Variants in LRCH3 observed in about 807,000 individuals in gnomAD.
LRCH3 encodes DISP complex protein LRCH3.
LRCH3 carries 68 observed loss-of-function variants against 104.5 expected under a neutral mutation model. That is an observed-to-expected ratio of 0.65 (90% CI 0.54 to 0.80). The LOEUF (loss-of-function observed/expected upper bound fraction) is 0.80. Ranked by LOEUF, LRCH3 falls within the 30% of genes least tolerant of loss-of-function variation. The pLI is 0.00. For missense variants in LRCH3, 951 were observed against 953.9 expected (o/e 1.00, Z 0.04); for synonymous variants, 344 against 361.3 (o/e 0.95, Z 0.54).
Position 197,827,027 on chromosome 3 carries a change from GGAA to G in LRCH3, c.777+15_777+17del. 6.4e-7 allele frequency: 1 copy of G among 1,555,336 alleles called. No homozygotes were observed. Among genetic ancestry groups the G allele is most frequent in the Non-Finnish European group, 8.6e-7 (1 of 1,156,194 alleles). On this transcript the variant is annotated intron_variant, in intron 5 of 20. Transcript: ENST00000425562. ...ACCTCCTGCACAGGTAAACCATAGT[GGAA>G]GCATCAGGTAAACCATGGTGGAAGC...
At chr3:197,815,772 ACT>A (rs1442074312) in intron 2 of LRCH3, among the ~76,000 whole-genome samples, 1 of 152,156 alleles carries the variant, frequency 6.6e-6, no homozygotes, top group Non-Finnish European at 1.5e-5. Flanking sequence ...TCTTAAAATA[ACT>A]CTTGTTGTTT....
At chr3:197,798,697 AC>A (rs1233483854) in intron 1 of LRCH3, among the ~76,000 whole-genome samples, 1 of 152,240 alleles carries the variant, frequency 6.6e-6, no homozygotes, top group Non-Finnish European at 1.5e-5. Flanking sequence ...GGACTAGAGT[AC>A]CAGGTCTTAA....
At chr3:197,832,151 C>T in intron 7 of LRCH3, 46 bp from the exon 8 acceptor site, 1 of 1,576,644 alleles carries the variant, frequency 6.3e-7, no homozygotes, top group Non-Finnish European at 8.6e-7. Flanking sequence ...CATGATCTGC[C>T]AGGCTCTAAA....
intron 10 of LRCH3, among the ~76,000 whole-genome samples, chr3:197,846,600 G>A (rs752699906): frequency 7.3e-5 from 11 of 151,676 alleles, no homozygotes; most frequent in Non-Finnish European, 8.8e-5. Flanking sequence ...TGGAGCCCAG[G>A]AGGTCAAGAC....
At chr3:197,817,011 A>G (rs1733876132) in intron 2 of LRCH3, among the ~76,000 whole-genome samples, 165 bp from the exon 3 acceptor site, 1 of 152,152 alleles carries the variant, frequency 6.6e-6, no homozygotes, top group Non-Finnish European at 1.5e-5. Flanking sequence ...TGTGCCTGTA[A>G]CCATAAAGCT....
At chr3:197,868,030 A>C (rs1301430874) in intron 17 of LRCH3, among the ~76,000 whole-genome samples, 1 of 152,074 alleles carries the variant, frequency 6.6e-6, no homozygotes, top group Non-Finnish European at 1.5e-5. Context: ...TCTCAAAAAA[A>C]CAAAAAAAAC....
In LRCH3 at chr3:197,810,533, A is replaced by G. The variant is rs537348359; in HGVS notation, c.263-4375A>G. The stretch of plus-strand genomic sequence containing the variant: ...AAGAAAACCCAGGGAATTCATTGCT[A>G]TTGTTCCTTGAGTCCTGAGGTTCCT... On this transcript the variant is annotated intron_variant, in intron 1 of 20. Coordinates refer to ENST00000425562, the MANE Select transcript of LRCH3 (RefSeq NM_001365715.1). The surrounding 1 kb of genome is among the most constrained non-coding windows in gnomAD (Gnocchi z 4.0). Among the ~76,000 whole-genome samples the G allele has an allele frequency of 4.6e-5, 7 of 152,186 alleles. No homozygotes were observed. In the East Asian group the frequency reaches 9.6e-4, roughly 21 times the overall value.
chr3:197,792,940 C>T (rs1248161990), intron 1 of LRCH3, among the ~76,000 whole-genome samples: 1 of 152,072 alleles, frequency 6.6e-6, no homozygotes, highest in African/African-American at 2.4e-5. Context: ...GCGTGAGCCA[C>T]CGCGTCCGGC....
chr3:197,881,708 G>A (rs553681547), intron 20 of LRCH3: 2 of 985,310 alleles, frequency 2.0e-6, no homozygotes, highest in Non-Finnish European at 2.4e-6. Flanking sequence ...TTCATAAGTG[G>A]TGTTTCTGAA....
intron 6 of LRCH3, 141 bp from the exon 7 acceptor site, chr3:197,830,629 T>TTTTTTA: frequency 1.6e-6 from 1 of 615,456 alleles, no homozygotes; most frequent in Non-Finnish European, 2.9e-6. Context: ...GAATTTTTCA[T>TTTTTTA]ATTAAAAAAT....
intron 1 of LRCH3, among the ~76,000 whole-genome samples, chr3:197,809,664 C>A (rs1580584588): frequency 6.6e-6 from 1 of 151,094 alleles, no homozygotes; most frequent in Non-Finnish European, 1.5e-5. Flanking sequence ...CTCACTGATT[C>A]TTTCCTCTCT....
At chr3:197,865,199 G>A (rs569580531) in intron 15 of LRCH3, among the ~76,000 whole-genome samples, 4 of 152,244 alleles carry the variant, frequency 2.6e-5, no homozygotes, top group Non-Finnish European at 5.9e-5. Context: ...ATGTTGCCTA[G>A]GCTGGTCTCA....
chr3:197,852,711 C>T (rs927637520), intron 13 of LRCH3, 91 bp downstream of exon 13: 17 of 1,280,650 alleles, frequency 1.3e-5, no homozygotes, highest in African/African-American at 3.0e-5. Flanking sequence ...TTTCAGTGCT[C>T]GGAATATTGC....
intron 14 of LRCH3, 45 bp from the exon 15 acceptor site, chr3:197,858,789 A>G: frequency 2.0e-6 from 3 of 1,506,916 alleles, no homozygotes; most frequent in South Asian, 2.2e-5. Flanking sequence ...ATTTGCTAAC[A>G]TAAATGCTGC....
At chr3:197,800,439 C>G (rs1425767599) in intron 1 of LRCH3, among the ~76,000 whole-genome samples, 1 of 152,162 alleles carries the variant, frequency 6.6e-6, no homozygotes, top group Non-Finnish European at 1.5e-5. Context: ...AGGTGCTGAA[C>G]CTCATCAGTA....
chr3:197,870,243 G>C lies in LRCH3; in HGVS notation c.1957G>C (p.Glu653Gln). 1 of 1,613,486 alleles carries C rather than the reference G, an allele frequency of 6.2e-7. No homozygotes were observed. Among genetic ancestry groups the C allele is most frequent in the Non-Finnish European group, 8.5e-7 (1 of 1,179,444 alleles). Residue 653 changes from glutamate (E) to glutamine (Q), a missense_variant, in exon 18 of 21, where the codon GAA becomes CAA. By Grantham distance (29) the Glu-to-Gln change is conservative. Transcript: ENST00000425562. Reference sequence around the variant, plus strand: ...AACAGGACAGAATTCAAGACAGAGAGAAGAAGAGCTGGAATTAATAGACCA... The same window carrying C: ...AACAGGACAGAATTCAAGACAGAGACAAGAAGAGCTGGAATTAATAGACCA... ...SITGQNSRQR[E>Q]EELELIDQLR... is the part of the protein sequence containing the mutation.
chr3:197,806,381 CCT>C (rs1732487503), intron 1 of LRCH3, among the ~76,000 whole-genome samples: 1 of 152,102 alleles, frequency 6.6e-6, no homozygotes. Flanking sequence ...CTCACCTCAG[CCT>C]CTCAAAGTGC....
At chr3:197,882,687 A>G (rs1339462850) in intron 20 of LRCH3, 2 of 984,934 alleles carry the variant, frequency 2.0e-6, no homozygotes, top group African/African-American at 1.7e-5. Context: ...TGTTCTTAAG[A>G]TTTGCCTTTT....
intron 4 of LRCH3, among the ~76,000 whole-genome samples, chr3:197,822,064 C>G (rs1184434215): frequency 6.6e-6 from 1 of 152,206 alleles, no homozygotes; most frequent in Non-Finnish European, 1.5e-5. Context: ...ATATTTAGTT[C>G]TAACATACTA....
Sources: gnomAD v4.1 joint callset for allele counts (sites outside exome capture counted in the v4.1 genomes callset) on GRCh38, gnomAD v4.1.1 for gene constraint, Gnocchi (gnomAD v3.1) non-coding constraint, MANE v1.5 for transcripts, NCBI Gene and HGNC (gene_info 2026-07-23, HGNC 2026-07-21) for gene names.